Variants in RBM27 observed in about 807,000 individuals in gnomAD.
RBM27 encodes the protein RNA binding motif protein 27.
A neutral mutation model predicts 135.3 loss-of-function variants in RBM27; 22 were observed. The ratio of observed to expected loss-of-function variants is 0.16; its 90% CI spans 0.12 to 0.23. The LOEUF is 0.23. RBM27 is among the 10% of genes least tolerant of loss of function. RBM27 has a pLI of 1.00. For missense variants in RBM27, 1,009 were observed against 1,281.0 expected (o/e 0.79, Z 3.24); for synonymous variants, 481 against 442.4 (o/e 1.09, Z -1.10).
chr5:146,225,406 T>C (rs1473104018), intron 3 of RBM27, among the ~76,000 whole-genome samples: 2 of 152,356 alleles, frequency 1.3e-5, no homozygotes, highest in African/African-American at 4.8e-5. Context: ...AGAAAAAATG[T>C]GGCTATATTT....
intron 10 of RBM27, among the ~76,000 whole-genome samples, chr5:146,256,193 T>C (rs934290958): frequency 6.6e-6 from 1 of 150,608 alleles, no homozygotes; most frequent in African/African-American, 2.4e-5. Flanking sequence ...CCTAGCTTTA[T>C]TAATTCTTTT....
chr5:146,260,189 C>G (rs1399806919), intron 11 of RBM27, among the ~76,000 whole-genome samples: 1 of 151,620 alleles, frequency 6.6e-6, no homozygotes, highest in Non-Finnish European at 1.5e-5. Flanking sequence ...ATCCCAGATA[C>G]TCAGGAAGCT....
In RBM27 at chr5:146,287,308, ATAGAG is replaced by A. The variant is rs559096213; in HGVS notation, c.*1286_*1290del. ...TGTGTGCATTTTTACTGTACACTGT[ATAGAG>A]TAGAGTATCTGTTAAGTAAAATATA... On this transcript the variant is annotated 3_prime_UTR_variant, in exon 21 of 21. Coordinates refer to ENST00000265271, the MANE Select transcript of RBM27 (RefSeq NM_018989.2). 2.9e-3 allele frequency: 437 copies of A among 152,358 alleles called. 1 individual carries two copies. Among genetic ancestry groups the A allele is most frequent in the Non-Finnish European group, 3.6e-3 (244 of 68,022 alleles). The allele number at this position is 152,358 out of a possible 1,614,324, so 9.4% of individuals were successfully genotyped here. A position where few individuals can be genotyped will look rare whatever the true frequency, so the allele number is the denominator to read the frequency against.
intron 1 of RBM27, among the ~76,000 whole-genome samples, chr5:146,208,380 TATTAC>T (rs1468200600): frequency 1.3e-5 from 2 of 152,206 alleles, no homozygotes; most frequent in South Asian, 4.1e-4. Flanking sequence ...CGAACATGTC[TATTAC>T]TTTTATTAGA....
In RBM27 at chr5:146,233,628, G is replaced by A. The variant is rs199892617; in HGVS notation, c.1029G>A (p.Pro343=). The part of the protein sequence containing the change: ...MPPMPGPGPG[P]GPGPGPGPGP... ...CAATGCCAGGTCCAGGCCCAGGCCC[G>A]GGCCCAGGTCCAGGCCCAGGCCCGG... The change falls in exon 7 of 21, where the codon CCG becomes CCA. Residue 343 remains proline, a synonymous_variant. Coordinates refer to ENST00000265271, the MANE Select transcript of RBM27 (RefSeq NM_018989.2). 5.3e-5 allele frequency: 85 copies of A among 1,594,332 alleles called. 1 individual carries two copies. Among genetic ancestry groups the A allele is most frequent in the Middle Eastern group, 1.7e-4 (1 of 5,958 alleles).
At chr5:146,218,854 T>C (rs1756323794) in intron 1 of RBM27, 131 bp from the exon 2 acceptor site, 2 of 538,434 alleles carry the variant, frequency 3.7e-6, no homozygotes, top group East Asian at 3.0e-5. Context: ...AAAAGTTGCC[T>C]GTGTTTGTGG....
rs917769741 is a variant in RBM27 at position 146,203,806 on chromosome 5, C to G, written c.41C>G (p.Ala14Gly). Residue 14 changes from alanine (A) to glycine (G), a missense_variant, in exon 1 of 21, where the codon GCC becomes GGC. Ala to Gly is a moderately conservative substitution (Grantham distance 60). Around this residue, in one of 6 missense-constraint regions of RBM27, gnomAD observed 268 missense variants for 326.6 expected, o/e 0.82. Transcript: ENST00000265271. ...GTGGATGCCCTCAAGTCCTGGCTGGCCAAGTTACTGGAGCCGATGTGAGTG... is the reference window on the plus strand; with the variant it reads ...GTGGATGCCCTCAAGTCCTGGCTGGGCAAGTTACTGGAGCCGATGTGAGTG... ...EDVDALKSWL[A>G]KLLEPICDAD... The G allele has an allele frequency of 1.9e-6, 3 of 1,550,420 alleles. No individual in the cohort carries two copies. The highest frequency in any genetic ancestry group is 2.6e-6 in the Non-Finnish European group (3 of 1,146,572).
chr5:146,282,763 G>A (rs1483448212), intron 19 of RBM27, among the ~76,000 whole-genome samples: 1 of 152,122 alleles, frequency 6.6e-6, no homozygotes, highest in African/African-American at 2.4e-5. Flanking sequence ...GACTGTATGT[G>A]GAATTGCTGA....
intron 1 of RBM27, 50 bp downstream of exon 1, chr5:146,203,874 T>A: frequency 2.5e-6 from 1 of 397,734 alleles, no homozygotes; most frequent in Non-Finnish European, 4.6e-6. Context: ...CGTTGGGGGC[T>A]CGCGGGGGCG....
intron 1 of RBM27, among the ~76,000 whole-genome samples, chr5:146,218,389 C>T (rs1756304355): frequency 1.3e-5 from 2 of 152,182 alleles, no homozygotes; most frequent in Admixed American, 6.6e-5. Flanking sequence ...GTTTCTAACT[C>T]CTAGATCTTT....
rs755099919 is a variant in RBM27, at chr5:146,258,533, G to A, written c.1679G>A (p.Ser560Asn). The A allele has an allele frequency of 1.3e-6, 2 of 1,599,624 alleles. No homozygotes were observed. Among genetic ancestry groups the A allele is most frequent in the Non-Finnish European group, 1.7e-6 (2 of 1,172,884 alleles). Residue 560 changes from serine (S) to asparagine (N), a missense_variant, in exon 11 of 21, where the codon AGT becomes AAT. Physicochemically the swap from Ser to Asn is conservative, Grantham distance 46 (BLOSUM62 1). Coordinates refer to ENST00000265271, the MANE Select transcript of RBM27 (RefSeq NM_018989.2). ...ACCAGAGTAGTTCTTGAACCAGATA[G>A]TCGAAAAAGAGCTATGAGTGGTTTG... ...NITRVVLEPD[S>N]RKRAMSGLEG...
At chr5:146,268,982 CATAG>C (rs1561562244) in intron 15 of RBM27, among the ~76,000 whole-genome samples, 4 of 152,164 alleles carry the variant, frequency 2.6e-5, no homozygotes. Flanking sequence ...CAATAAATCT[CATAG>C]ATATAGCTAA....
intron 10 of RBM27, 85 bp from the exon 11 acceptor site, chr5:146,258,364 A>AT: frequency 9.2e-7 from 1 of 1,082,276 alleles, no homozygotes; most frequent in Non-Finnish European, 1.3e-6. Flanking sequence ...TGAGCTATTC[A>AT]TAGTAGTTTT....
At chr5:146,261,251 CAGAG>C (rs1758383264) in intron 12 of RBM27, 1 of 553,170 alleles carries the variant, frequency 1.8e-6, no homozygotes, top group African/African-American at 1.9e-5. Flanking sequence ...ACATGGCAGA[CAGAG>C]AAAGAGAAAG....
In RBM27 at chr5:146,288,234, G is replaced by A. The variant is rs192698989; in HGVS notation, c.*2204G>A. 6.6e-6 allele frequency: 1 copy of A among 151,994 alleles called. No homozygotes were observed. Among genetic ancestry groups the A allele is most frequent in the East Asian group, 1.9e-4 (1 of 5,180 alleles). 9.4% of individuals were successfully genotyped at this position (151,994 alleles called of 1,614,324 possible). A position where few individuals can be genotyped will look rare whatever the true frequency, so the allele number is the denominator to read the frequency against. On this transcript the variant is annotated 3_prime_UTR_variant, in exon 21 of 21. Transcript: ENST00000265271. ...CATATGATTTTTTTGACCTCAAAAT[G>A]GACATCTTATTTCACTCTCAGTAAA... is the stretch of plus-strand genomic sequence containing the variant.
chr5:146,255,140 T>A (rs1464060713), intron 10 of RBM27, 48 bp downstream of exon 10: 1 of 1,522,932 alleles, frequency 6.6e-7, no homozygotes, highest in Admixed American at 1.8e-5. Flanking sequence ...ATGCAGTAGT[T>A]GGATATAGTT....
At chr5:146,256,993 C>T (rs1758131689) in intron 10 of RBM27, among the ~76,000 whole-genome samples, 1 of 152,160 alleles carries the variant, frequency 6.6e-6, no homozygotes, top group African/African-American at 2.4e-5. Flanking sequence ...TGCTTTATGC[C>T]ATCGCAGTTG....
At chr5:146,218,949 T>C in intron 1 of RBM27, 36 bp from the exon 2 acceptor site, 1 of 1,387,282 alleles carries the variant, frequency 7.2e-7, no homozygotes, top group South Asian at 1.3e-5. Context: ...ATAAAAAGTG[T>C]TTTTTAAAAT....
Position 146,203,635 on chromosome 5 carries a change from GGTT to G in RBM27, c.-129_-127del. On this transcript the variant is annotated 5_prime_UTR_variant, in exon 1 of 21. Transcript: ENST00000265271. The stretch of plus-strand genomic sequence containing the variant: ...CTGTTAGGCCCCGGCCGGGGGAGTA[GGTT>G]GAAGTCTCCTAAGATGCCCGGTGGG... 2.5e-6 allele frequency: 2 copies of G among 809,482 alleles called. No homozygotes were observed. The highest frequency in any genetic ancestry group is 3.2e-5 in the South Asian group (2 of 62,976). 50.1% of individuals were successfully genotyped at this position (809,482 alleles called of 1,614,324 possible).
Sources: gnomAD v4.1 joint callset for allele counts (sites outside exome capture counted in the v4.1 genomes callset) on GRCh38, gnomAD v4.1.1 for gene constraint, gnomAD v4.1.1 regional missense constraint, MANE v1.5 for transcripts, NCBI Gene and HGNC (gene_info 2026-07-23, HGNC 2026-07-21) for gene names.